Variants in FHIT observed in about 807,000 individuals in gnomAD.
FHIT encodes fragile histidine triad diadenosine triphosphatase, also known as bis(5'-adenosyl)-triphosphatase.
Under a neutral mutation model 17.9 loss-of-function variants are expected in FHIT, and 19 were observed. The observed-to-expected ratio is 1.06, with a 90% CI of 0.74 to 1.56. The LOEUF (loss-of-function observed/expected upper bound fraction) is 1.56, where lower values mean the gene tolerates loss of function less well. FHIT is among the 40% of genes most tolerant of loss of function. FHIT has a pLI of 0.00. For missense variants in FHIT, 248 were observed against 189.2 expected (o/e 1.31, Z -1.82); for synonymous variants, 81 against 69.7 (o/e 1.16, Z -0.81).
At chr3:60,781,604 C>G (rs1254170796) in intron 4 of FHIT, among the ~76,000 whole-genome samples, 1 of 152,130 alleles carries the variant, frequency 6.6e-6, no homozygotes, top group African/African-American at 2.4e-5. Flanking sequence ...TCTCTAGGTC[C>G]CAATCTCCCC....
At chr3:59,808,812 G>A (rs1700302514) in intron 8 of FHIT, among the ~76,000 whole-genome samples, 1 of 152,160 alleles carries the variant, frequency 6.6e-6, no homozygotes, top group South Asian at 2.1e-4. Context: ...TAGCTACAAA[G>A]GGACTGCGGG....
At chr3:61,151,879 G>A (rs553619022) in intron 2 of FHIT, among the ~76,000 whole-genome samples, 9 of 152,084 alleles carry the variant, frequency 5.9e-5, no homozygotes, top group Admixed American at 2.0e-4. Flanking sequence ...CACCACTCTC[G>A]GCCTGATATT....
chr3:59,862,921 T>A (rs997777481), intron 8 of FHIT, among the ~76,000 whole-genome samples: 9 of 152,176 alleles, frequency 5.9e-5, no homozygotes, highest in African/African-American at 2.2e-4. Flanking sequence ...GGGTAGGATG[T>A]GGGCTGGGAG....
intron 4 of FHIT, among the ~76,000 whole-genome samples, chr3:60,580,622 A>G (rs530116805): frequency 7.9e-5 from 12 of 152,230 alleles, no homozygotes; most frequent in African/African-American, 2.4e-4. Context: ...ATTTGAAGGC[A>G]ATATAAAATA....
intron 4 of FHIT, among the ~76,000 whole-genome samples, chr3:60,543,613 T>C (rs150838237): frequency 7.2e-5 from 11 of 152,334 alleles, no homozygotes; most frequent in South Asian, 2.1e-4. Flanking sequence ...GGTATCTTAT[T>C]ATTGTCATAG....
At chr3:60,568,773 G>A (rs993552116) in intron 4 of FHIT, among the ~76,000 whole-genome samples, 5 of 151,990 alleles carry the variant, frequency 3.3e-5, no homozygotes, top group Non-Finnish European at 7.4e-5. Flanking sequence ...TCTTAGTCAA[G>A]CTCATCTTTT....
intron 2 of FHIT, among the ~76,000 whole-genome samples, chr3:61,124,640 T>C (rs2036556198): frequency 6.6e-6 from 1 of 152,184 alleles, no homozygotes; most frequent in Admixed American, 6.6e-5. Flanking sequence ...GAAAACCTCA[T>C]GGACAAATAC....
At chr3:61,216,329 C>T (rs565605083) in intron 1 of FHIT, among the ~76,000 whole-genome samples, 37 of 152,132 alleles carry the variant, frequency 2.4e-4, no homozygotes, top group African/African-American at 8.2e-4. Context: ...AACAAGTGGG[C>T]GAAGGACATG....
At chr3:60,443,730 T>C (rs1335121551) in intron 5 of FHIT, among the ~76,000 whole-genome samples, 1 of 152,098 alleles carries the variant, frequency 6.6e-6, no homozygotes, top group African/African-American at 2.4e-5. Flanking sequence ...TGGTCTAAAA[T>C]TCTCTTTTTT....
intron 1 of FHIT, among the ~76,000 whole-genome samples, chr3:61,210,394 G>A (rs1332301035): frequency 6.6e-6 from 1 of 152,220 alleles, no homozygotes; most frequent in African/African-American, 2.4e-5. Context: ...TCTGTGCCCG[G>A]CCCCCAGAGG....
intron 7 of FHIT, among the ~76,000 whole-genome samples, chr3:59,981,387 G>A (rs1057266623): frequency 3.4e-4 from 52 of 152,112 alleles, no homozygotes; most frequent in Admixed American, 5.9e-4. Flanking sequence ...ATAAGGCAAA[G>A]GGCCTTCTGA....
intron 8 of FHIT, among the ~76,000 whole-genome samples, chr3:59,843,537 AT>A (rs1322759351): frequency 6.6e-6 from 1 of 152,162 alleles, no homozygotes; most frequent in Non-Finnish European, 1.5e-5. Context: ...AAATCTTCTA[AT>A]CCATAAACAT....
chr3:60,557,599 A>G (rs907314196), intron 4 of FHIT, among the ~76,000 whole-genome samples: 1 of 151,694 alleles, frequency 6.6e-6, no homozygotes, highest in Non-Finnish European at 1.5e-5. Context: ...AGCTCTCTAC[A>G]TGGCTCTGCC....
chr3:60,227,840 A>G (rs955758891), intron 5 of FHIT, among the ~76,000 whole-genome samples: 1 of 152,196 alleles, frequency 6.6e-6, no homozygotes. Context: ...ACTGACACTC[A>G]TACAGAGCTG....
chr3:59,908,124 T>C (rs913424409), intron 8 of FHIT, among the ~76,000 whole-genome samples: 1 of 152,242 alleles, frequency 6.6e-6, no homozygotes, highest in African/African-American at 2.4e-5. Context: ...TTCTGAAAGA[T>C]TGGTACATAG....
intron 1 of FHIT, among the ~76,000 whole-genome samples, chr3:61,217,939 C>T (rs867733470): frequency 2.2e-4 from 34 of 152,056 alleles, no homozygotes; most frequent in South Asian, 6.2e-4. Context: ...AGACAAGGAC[C>T]TTAACTAAAT....
intron 2 of FHIT, among the ~76,000 whole-genome samples, chr3:61,112,203 G>A (rs368371584): frequency 6.6e-6 from 1 of 151,944 alleles, no homozygotes. Context: ...GGAATAATTC[G>A]GGTGCTTTTA....
intron 1 of FHIT, among the ~76,000 whole-genome samples, chr3:61,226,956 C>A (rs114232543): frequency 0.019 from 2,852 of 151,958 alleles, 81 homozygotes; most frequent in African/African-American, 0.065. Flanking sequence ...GATTAACAAG[C>A]AATTGAGATT....
chr3:59,915,937 G>A (rs373776026), intron 8 of FHIT, among the ~76,000 whole-genome samples: 12 of 142,330 alleles, frequency 8.4e-5, no homozygotes, highest in East Asian at 2.1e-4. Flanking sequence ...GTCTCTTAGG[G>A]AAAAAAAAAA....
Sources: gnomAD v4.1 joint callset for allele counts (sites outside exome capture counted in the v4.1 genomes callset) on GRCh38, gnomAD v4.1.1 for gene constraint, MANE v1.5 for transcripts, NCBI Gene and HGNC (gene_info 2026-07-23, HGNC 2026-07-21) for gene names.